BMP6: variants seen among roughly 807,000 people sequenced by gnomAD.
The protein encoded by BMP6 is VG-1-R.
A neutral mutation model predicts 54.1 loss-of-function variants in BMP6; 17 were observed. The observed-to-expected ratio is 0.31, with a 90% CI of 0.22 to 0.47. BMP6 has a LOEUF of 0.47. Among genes scored for constraint, BMP6 ranks in the 20% least tolerant of loss-of-function variants. The pLI is 1.00. For missense variants in BMP6, 720 were observed against 690.4 expected, an observed-to-expected ratio of 1.04 and a Z score of -0.48; for synonymous variants, 328 against 291.2, an observed-to-expected ratio of 1.13 and a Z score of -1.28.
intron 1 of BMP6, among the ~76,000 whole-genome samples, chr6:7,741,225 C>T (rs867952410): frequency 1.3e-5 from 2 of 152,186 alleles, no homozygotes; most frequent in Non-Finnish European, 2.9e-5. Context: ...TTTAGAAGAA[C>T]ATTTGGGGCC....
At chr6:7,733,400 T>C (rs1184464497) in intron 1 of BMP6, among the ~76,000 whole-genome samples, 6 of 152,222 alleles carry the variant, frequency 3.9e-5, no homozygotes, top group African/African-American at 9.6e-5. Flanking sequence ...TTCATAAATA[T>C]ATGAGTAAAA....
chr6:7,761,586 C>T (rs1036428002), intron 1 of BMP6, among the ~76,000 whole-genome samples: 6 of 152,184 alleles, frequency 3.9e-5, no homozygotes, highest in Non-Finnish European at 7.3e-5. Context: ...GAACACAAGA[C>T]GCAGACATGG....
chr6:7,762,401 T>G (rs904424027), intron 1 of BMP6, among the ~76,000 whole-genome samples: 1 of 152,244 alleles, frequency 6.6e-6, no homozygotes, highest in African/African-American at 2.4e-5. Context: ...TTAATGATCT[T>G]GAAGGTTTGC....
intron 1 of BMP6, among the ~76,000 whole-genome samples, chr6:7,791,824 C>T (rs921000550): frequency 6.6e-6 from 1 of 152,140 alleles, no homozygotes; most frequent in African/African-American, 2.4e-5. Context: ...GTTTCAATGG[C>T]CAAATCACAT....
At chr6:7,737,229 T>G (rs1385485803) in intron 1 of BMP6, among the ~76,000 whole-genome samples, 1 of 151,794 alleles carries the variant, frequency 6.6e-6, no homozygotes, top group Non-Finnish European at 1.5e-5. Context: ...TCACTGGGCT[T>G]GAGAAATTCA....
chr6:7,872,013 G>A (rs1364713142), intron 4 of BMP6, among the ~76,000 whole-genome samples: 2 of 152,114 alleles, frequency 1.3e-5, no homozygotes, highest in Admixed American at 1.3e-4. Context: ...CGGGGGTGGT[G>A]GGGGAGGCTC....
At chr6:7,781,335 C>CATCAGAGGGGGATTGTTGAATAGGCTTTG (rs1457748881) in intron 1 of BMP6, among the ~76,000 whole-genome samples, 44 of 151,820 alleles carry the variant, frequency 2.9e-4, no homozygotes, top group Non-Finnish European at 3.1e-4. Flanking sequence ...CTCGTTCATA[C>CATCAGAGGGGGATTGTTGAATAGGCTTTG]GTACCATGCC....
chr6:7,880,511 G>A lies in BMP6; in HGVS notation c.*168G>A. 1.1e-6 allele frequency: 1 copy of A among 928,812 alleles called. No homozygotes were observed. Among genetic ancestry groups the A allele is most frequent in the Non-Finnish European group, 1.6e-6 (1 of 623,948 alleles). The allele number at this position is 928,812 out of a possible 1,614,324, so 57.5% of individuals were successfully genotyped here. A position where few individuals can be genotyped will look rare whatever the true frequency, so the allele number is the denominator to read the frequency against. On this transcript the variant is annotated 3_prime_UTR_variant, in exon 7 of 7. Transcript: ENST00000283147. ...TTTTAAAGGACCTCATTAATAATTTGCTCACTTGGTAAATGACGTGAGTAG... is the reference window on the plus strand; with the variant it reads ...TTTTAAAGGACCTCATTAATAATTTACTCACTTGGTAAATGACGTGAGTAG...
chr6:7,873,421 G>A (rs1326754191), intron 4 of BMP6, among the ~76,000 whole-genome samples: 3 of 152,198 alleles, frequency 2.0e-5, no homozygotes, highest in African/African-American at 7.2e-5. Flanking sequence ...GGTGGTTGGA[G>A]CTTCCACACC....
intron 1 of BMP6, among the ~76,000 whole-genome samples, chr6:7,785,244 G>A (rs1758004449): frequency 6.6e-6 from 1 of 152,220 alleles, no homozygotes; most frequent in African/African-American, 2.4e-5. Context: ...TAAGTTGGAT[G>A]TTCTTCAAAT....
rs551211683 is a variant in BMP6 at position 7,727,550 on chromosome 6, C to G, written c.595C>G (p.Pro199Ala). 500 of 1,594,632 alleles carry G rather than the reference C, an allele frequency of 3.1e-4. 7 individuals are homozygous for G. The South Asian group carries it at 4.5e-3, about 14-fold the overall frequency. Residue 199 changes from proline (P) to alanine (A), a missense_variant, in exon 1 of 7, where the codon CCA becomes GCA. Pro to Ala is a conservative substitution (Grantham distance 27). Transcript: ENST00000283147. ...APGSGSGGAS[P>A]LTSAQDSAFL... ...CGGATCTGGCAGCGGCGGCGCGTCC[C>G]CACTGACCAGCGCGCAGGACAGCGC... is the stretch of plus-strand genomic sequence containing the variant.
At chr6:7,876,627 C>T (rs1229448148) in intron 4 of BMP6, among the ~76,000 whole-genome samples, 1 of 152,142 alleles carries the variant, frequency 6.6e-6, no homozygotes, top group Non-Finnish European at 1.5e-5. Flanking sequence ...TGATGATTAT[C>T]TGTTTAATGT....
At chr6:7,759,377 G>A (rs542903184) in intron 1 of BMP6, among the ~76,000 whole-genome samples, 1 of 152,266 alleles carries the variant, frequency 6.6e-6, no homozygotes, top group South Asian at 2.1e-4. Flanking sequence ...TTGAAAGTTA[G>A]AACTCAGCTT....
At chr6:7,763,776 G>C in intron 1 of BMP6, among the ~76,000 whole-genome samples, 1 of 151,436 alleles carries the variant, frequency 6.6e-6, no homozygotes, top group African/African-American at 2.4e-5. Flanking sequence ...TAAAAGGAAA[G>C]AAAAAAAAAT....
chr6:7,824,647 A>G (rs1313133690), intron 1 of BMP6, among the ~76,000 whole-genome samples: 1 of 152,232 alleles, frequency 6.6e-6, no homozygotes, highest in Non-Finnish European at 1.5e-5. Context: ...GGGTAATCTG[A>G]TAATTCCAAA....
intron 1 of BMP6, among the ~76,000 whole-genome samples, chr6:7,808,413 G>T (rs192094243): frequency 6.6e-6 from 1 of 152,110 alleles, no homozygotes; most frequent in Non-Finnish European, 1.5e-5. Flanking sequence ...TCTTGGGGGG[G>T]CGATCATTGC....
At chr6:7,851,974 CT>C (rs1469877276) in intron 2 of BMP6, among the ~76,000 whole-genome samples, 1 of 152,136 alleles carries the variant, frequency 6.6e-6, no homozygotes, top group Non-Finnish European at 1.5e-5. Context: ...TATCTGATAA[CT>C]TTGCTATCTG....
chr6:7,862,218 C>A, intron 3 of BMP6, 83 bp from the exon 4 acceptor site: 7 of 1,478,990 alleles, frequency 4.7e-6, no homozygotes, highest in Non-Finnish European at 6.6e-6. Flanking sequence ...ACTTAGGAAA[C>A]TAGGAAGTAT....
intron 1 of BMP6, among the ~76,000 whole-genome samples, chr6:7,839,645 C>T (rs985940143): frequency 3.3e-5 from 5 of 152,146 alleles, no homozygotes; most frequent in Non-Finnish European, 7.3e-5. Flanking sequence ...AATTTCCTTC[C>T]GTTTTAAGGT....
Sources: allele counts gnomAD v4.1 joint callset (sites outside exome capture counted in the v4.1 genomes callset), GRCh38; gene constraint gnomAD v4.1.1; transcripts MANE v1.5; gene names NCBI Gene and HGNC (gene_info 2026-07-23, HGNC 2026-07-21).